Variants in TRIM63 observed in about 807,000 individuals in gnomAD.
TRIM63 encodes tripartite motif containing 63, also known as E3 ubiquitin-protein ligase TRIM63.
TRIM63 carries 48 observed loss-of-function variants against 46.0 expected under a neutral mutation model. That is an observed-to-expected ratio of 1.04 (90% CI 0.83 to 1.33). The LOEUF (loss-of-function observed/expected upper bound fraction) is 1.33. Among genes scored for constraint, TRIM63 ranks in the 40% most tolerant of loss-of-function variants. TRIM63 has a pLI of 0.00. For synonymous variants in TRIM63, 175 were observed against 162.8 expected, an observed-to-expected ratio of 1.08 and a Z score of -0.57; for missense variants, 455 against 441.2, an observed-to-expected ratio of 1.03 and a Z score of -0.28.
chr1:26,054,097 G>A (rs2050548166), intron 7 of TRIM63, 133 bp from the exon 8 acceptor site: 3 of 599,470 alleles, frequency 5.0e-6, no homozygotes, highest in African/African-American at 1.9e-5. Context: ...ACACAGCGGC[G>A]GCAGTGGTCT....
intron 5 of TRIM63, 80 bp from the exon 6 acceptor site, chr1:26,057,730 G>A: frequency 7.0e-7 from 1 of 1,436,780 alleles, no homozygotes; most frequent in Non-Finnish European, 9.5e-7. Flanking sequence ...TGAACTAGGT[G>A]TTGTAGGTAG....
Position 26,051,781 on chromosome 1 carries a change from C to CAG in TRIM63, c.*91_*92insCT. The stretch of plus-strand genomic sequence containing the variant: ...ATTGCCCCTCCAGGGGCCCCGACCC[C>CAG]TCCCACCCTGGGCCTGTCACCAAGG... On this transcript the variant is annotated 3_prime_UTR_variant, in exon 9 of 9. Coordinates refer to ENST00000374272, the MANE Select transcript of TRIM63 (RefSeq NM_032588.4). 1.5e-6 allele frequency: 1 copy of CAG among 684,638 alleles called. No homozygotes were observed. The highest frequency in any genetic ancestry group is 2.1e-6 in the Non-Finnish European group (1 of 470,374). The allele number at this position is 684,638 out of a possible 1,614,324, so 42.4% of individuals were successfully genotyped here. A position where few individuals can be genotyped will look rare whatever the true frequency, so the allele number is the denominator to read the frequency against.
At chr1:26,064,921 G>C (rs554248813) in intron 2 of TRIM63, among the ~76,000 whole-genome samples, 2 of 152,322 alleles carry the variant, frequency 1.3e-5, no homozygotes, top group East Asian at 3.9e-4. Context: ...CTTAAAGGCT[G>C]TGAGGTCAGC....
chr1:26,055,924 C>T (rs1303804093), intron 7 of TRIM63, among the ~76,000 whole-genome samples: 1 of 152,180 alleles, frequency 6.6e-6, no homozygotes, highest in Non-Finnish European at 1.5e-5. Context: ...TTTGTCCTTA[C>T]CTATGAATGG....
rs748178458 is a variant in TRIM63, at chr1:26,066,414, C to G, written c.186G>C (p.Arg62=). Reference sequence around the variant, plus strand: ...CTCCAGACATGGACACTGAGCTGCCCCGGCTGGTCCAGTAGGGATTTGCAG... The same window carrying G: ...CTCCAGACATGGACACTGAGCTGCCGCGGCTGGTCCAGTAGGGATTTGCAG... ...FQAANPYWTS[R]GSSVSMSGGR... The change falls in exon 2 of 9, where the codon CGG becomes CGC. Residue 62 remains arginine (R), a synonymous_variant. Coordinates refer to ENST00000374272, the MANE Select transcript of TRIM63 (RefSeq NM_032588.4). The G allele has an allele frequency of 6.2e-7, 1 of 1,603,744 alleles. No individual in the cohort carries two copies. The highest frequency in any genetic ancestry group is 8.5e-7 in the Non-Finnish European group (1 of 1,174,076).
At chr1:26,062,153 C>T (rs1482681353) in intron 2 of TRIM63, among the ~76,000 whole-genome samples, 3 of 151,720 alleles carry the variant, frequency 2.0e-5, no homozygotes, top group Non-Finnish European at 2.9e-5. Flanking sequence ...ACCTGTAATC[C>T]CAGCTACTCG....
At chr1:26,053,290 T>C (rs2050538436) in intron 8 of TRIM63, among the ~76,000 whole-genome samples, 1 of 152,106 alleles carries the variant, frequency 6.6e-6, no homozygotes, top group Non-Finnish European at 1.5e-5. Context: ...CTCACTCTTG[T>C]CACCCAGGCT....
intron 8 of TRIM63, among the ~76,000 whole-genome samples, chr1:26,053,146 G>A (rs2050537240): frequency 6.6e-6 from 1 of 152,032 alleles, no homozygotes; most frequent in Admixed American, 6.6e-5. Context: ...AGGACTTGCT[G>A]TTGACCAGGC....
chr1:26,064,819 G>A (rs964146006), intron 2 of TRIM63, among the ~76,000 whole-genome samples: 6 of 152,158 alleles, frequency 3.9e-5, no homozygotes, highest in Non-Finnish European at 5.9e-5. Context: ...ACAGTTCCCC[G>A]GGTCAGGGTT....
At chr1:26,062,767 T>C (rs575551839) in intron 2 of TRIM63, among the ~76,000 whole-genome samples, 1 of 152,174 alleles carries the variant, frequency 6.6e-6, no homozygotes, top group Admixed American at 6.6e-5. Context: ...CTGGGGGGGA[T>C]TTTTTTGTTG....
intron 7 of TRIM63, among the ~76,000 whole-genome samples, chr1:26,056,447 C>T (rs1007898429): frequency 8.5e-5 from 13 of 152,170 alleles, no homozygotes; most frequent in African/African-American, 3.1e-4. Flanking sequence ...CTCTACAGGA[C>T]CTTTCTGCAT....
At chr1:26,061,873 CT>C (rs1335974779) in intron 2 of TRIM63, among the ~76,000 whole-genome samples, 1 of 152,190 alleles carries the variant, frequency 6.6e-6, no homozygotes, top group African/African-American at 2.4e-5. Context: ...AGACTGTAAC[CT>C]CCATCAAGGT....
At position 26,061,228 on chromosome 1, in the gene TRIM63, C is replaced by T. The variant is rs770256238; in HGVS notation, c.439G>A (p.Val147Met). The change falls in exon 3 of 9, where the codon GTG becomes ATG. Residue 147 changes from valine (V) to methionine (M), a missense_variant. By Grantham distance (21) the Val-to-Met change is conservative. Transcript: ENST00000374272. Reference sequence around the variant, plus strand: ...TCGCAGGCCTTGTGGATCCCAAACACCTTGCACATGGAGCAGGTGGGCACC... The same window carrying T: ...TCGCAGGCCTTGTGGATCCCAAACATCTTGCACATGGAGCAGGTGGGCACC... ...CEVPTCSMCK[V>M]FGIHKACEVA... 6.2e-7 allele frequency: 1 copy of T among 1,614,150 alleles called. No homozygotes were observed. Among genetic ancestry groups the T allele is most frequent in the Non-Finnish European group, 8.5e-7 (1 of 1,179,992 alleles).
Position 26,057,340 on chromosome 1 carries a change from C to T in TRIM63, c.855-13G>A, listed in dbSNP as rs1454641890. ...AGCTTCCACAATGCTGCAGGGGAGA[C>T]AGAAAGAGAGGCAGGATGAGGTCTC... On this transcript the variant is annotated splice_polypyrimidine_tract_variant and intron_variant, in intron 6 of 8. Transcript: ENST00000374272. 1 of 1,613,518 alleles carries T rather than the reference C, an allele frequency of 6.2e-7. No individual in the cohort carries two copies. The highest frequency in any genetic ancestry group is 8.5e-7 in the Non-Finnish European group (1 of 1,179,870).
intron 5 of TRIM63, 23 bp downstream of exon 5, chr1:26,058,367 C>T: frequency 6.2e-7 from 1 of 1,606,132 alleles, no homozygotes; most frequent in East Asian, 2.2e-5. Context: ...TGACCCCACC[C>T]AGACCCTTCT....
intron 7 of TRIM63, among the ~76,000 whole-genome samples, chr1:26,055,655 G>GT (rs2050563989): frequency 6.6e-6 from 1 of 152,064 alleles, no homozygotes; most frequent in African/African-American, 2.4e-5. Flanking sequence ...GGGATTACAG[G>GT]CATGCACCAC....
chr1:26,057,611 T>A lies in TRIM63; in HGVS notation c.854+17A>T. On this transcript the variant is annotated intron_variant, in intron 6 of 8. Transcript: ENST00000374272. ...GGAACTAGGTGCTTGGATCATAGCC[T>A]CTAGGAAGACACTGACCTTTTGATG... 2 of 1,609,342 alleles carry A rather than the reference T, an allele frequency of 1.2e-6. No homozygotes were observed. Among genetic ancestry groups the A allele is most frequent in the Non-Finnish European group, 8.5e-7 (1 of 1,177,826 alleles).
intron 4 of TRIM63, among the ~76,000 whole-genome samples, chr1:26,059,665 T>C (rs1345296927): frequency 6.6e-6 from 1 of 152,148 alleles, no homozygotes; most frequent in Non-Finnish European, 1.5e-5. Context: ...TGATGACCCC[T>C]TCCCCTCATC....
Position 26,058,507 on chromosome 1 carries a change from CT to C in TRIM63, c.713del (p.Lys238SerfsTer40). 2.5e-6 allele frequency: 4 copies of C among 1,614,162 alleles called. No homozygotes were observed. Among genetic ancestry groups the C allele is most frequent in the Non-Finnish European group, 3.4e-6 (4 of 1,180,022 alleles). ...GGATGAGGGCCTCGATGAAGCTAAG[CT>C]TTTTCTCCTGCTCCTGCGTGATCCG... Reference protein sequence around the residue: ...LQRITQEQEKKLSFIEALIQQ... With the variant: ...LQRITQEQEKXLSFIEALIQQ... On this transcript the variant is annotated frameshift_variant, in exon 5 of 9. Transcript: ENST00000374272. LOFTEE classifies it high-confidence loss of function.
Sources: allele counts gnomAD v4.1 joint callset (sites outside exome capture counted in the v4.1 genomes callset), GRCh38; gene constraint gnomAD v4.1.1; transcripts MANE v1.5; gene names NCBI Gene and HGNC (gene_info 2026-07-23, HGNC 2026-07-21).